The following ZEB2 variants were observed in gnomAD, a reference collection of about 807,000 sequenced individuals.
The protein encoded by ZEB2 is zinc finger E-box-binding homeobox 2.
Under a neutral mutation model 99.9 loss-of-function variants are expected in ZEB2, and 6 were observed. The ratio of observed to expected loss-of-function variants is 0.06; its 90% CI spans 0.03 to 0.12. The LOEUF (loss-of-function observed/expected upper bound fraction) is 0.12, where lower values mean the gene tolerates loss of function less well. Among genes scored for constraint, ZEB2 ranks in the 10% least tolerant of loss-of-function variants. ZEB2 has a pLI of 1.00. For synonymous variants in ZEB2, 517 were observed against 542.5 expected (o/e 0.95, Z 0.65); for missense variants, 969 against 1,502.8 (o/e 0.64, Z 5.87).
intron 1 of ZEB2, 35 bp from the exon 2 acceptor site, chr2:144,517,454 C>A: frequency 4.8e-6 from 7 of 1,456,816 alleles, no homozygotes; most frequent in Non-Finnish European, 6.7e-6. Flanking sequence ...GTGGGCATCG[C>A]CCGCGCCCAT....
intron 2 of ZEB2, among the ~76,000 whole-genome samples, chr2:144,474,277 G>T (rs1322264354): frequency 6.6e-6 from 1 of 152,110 alleles, no homozygotes; most frequent in Non-Finnish European, 1.5e-5. Context: ...GAGGTGGGTC[G>T]CCTGTGTTGT....
intron 2 of ZEB2, chr2:144,513,714 C>A: frequency 1.3e-6 from 2 of 1,536,050 alleles, no homozygotes; most frequent in Non-Finnish European, 1.7e-6. Flanking sequence ...AAGCAACAAA[C>A]TTTGCAAGTT....
chr2:144,439,879 A>G (rs1703883102), intron 2 of ZEB2, among the ~76,000 whole-genome samples: 1 of 152,196 alleles, frequency 6.6e-6, no homozygotes, highest in South Asian at 2.1e-4. Context: ...AATCACATAA[A>G]ATTGTTTTAT....
At chr2:144,512,163 C>T (rs1395169782) in intron 2 of ZEB2, 2 of 1,287,228 alleles carry the variant, frequency 1.6e-6, no homozygotes, top group East Asian at 1.1e-4. Flanking sequence ...AATCAATTGT[C>T]TGTGAGCATT....
intron 2 of ZEB2, chr2:144,512,515 C>A (rs1192622158): frequency 7.8e-7 from 1 of 1,287,186 alleles, no homozygotes. Context: ...AACACTGAAA[C>A]CTATGACATA....
Position 144,399,065 on chromosome 2 carries a change from G to A in ZEB2, c.2122C>T (p.Leu708=), listed in dbSNP as rs1703270675. The change falls in exon 8 of 10, where the codon CTG becomes TTG. Residue 708 remains leucine, a synonymous_variant. Transcript: ENST00000627532. The surrounding 1 kb of genome is among the most constrained non-coding windows in gnomAD (Gnocchi z 5.6). The part of the protein sequence containing the change: ...YQYSNSRSPS[L]ERSSKPLAPN... ...GCTAACGGCTTGGAGCTTCTTTCCAGGGATGGGGACCTGGAATTTGAGTAC... is the reference window on the plus strand; with the variant it reads ...GCTAACGGCTTGGAGCTTCTTTCCAAGGATGGGGACCTGGAATTTGAGTAC... 1 of 1,614,140 alleles carries A rather than the reference G, an allele frequency of 6.2e-7. No individual in the cohort carries two copies. Among genetic ancestry groups the A allele is most frequent in the Non-Finnish European group, 8.5e-7 (1 of 1,180,010 alleles).
At chr2:144,519,303 A>G (rs568208245) in intron 1 of ZEB2, 3 of 152,260 alleles carry the variant, frequency 2.0e-5, no homozygotes, top group South Asian at 4.1e-4. Context: ...CTTTATTTAT[A>G]ATCACAGAAG....
chr2:144,458,671 C>T (rs766003259), intron 2 of ZEB2, among the ~76,000 whole-genome samples: 2 of 152,140 alleles, frequency 1.3e-5, no homozygotes, highest in Non-Finnish European at 2.9e-5. Context: ...TGAAAGATCA[C>T]TGGGAAAAGT....
chr2:144,391,954 G>A (rs1217266615), intron 9 of ZEB2, among the ~76,000 whole-genome samples: 3 of 152,184 alleles, frequency 2.0e-5, no homozygotes. Context: ...TAAAGAATAA[G>A]GAAGACAACT....
chr2:144,445,455 A>C (rs1703970606), intron 2 of ZEB2, among the ~76,000 whole-genome samples: 1 of 149,488 alleles, frequency 6.7e-6, no homozygotes, highest in Admixed American at 6.7e-5. Flanking sequence ...TCTTCCTCTC[A>C]CTCTCCCTCT....
intron 2 of ZEB2, chr2:144,516,261 C>A (rs1191361231): frequency 6.6e-6 from 1 of 150,456 alleles, no homozygotes; most frequent in African/African-American, 2.5e-5. Context: ...AGCCCTCTCC[C>A]CTCCCCCAGG....
intron 2 of ZEB2, chr2:144,513,573 T>A (rs1360774187): frequency 1.3e-6 from 2 of 1,529,218 alleles, no homozygotes; most frequent in Non-Finnish European, 8.7e-7. Context: ...AACGTGCATG[T>A]CTCTGTGAGA....
chr2:144,483,840 T>G (rs1222111040), intron 2 of ZEB2, among the ~76,000 whole-genome samples: 1 of 152,196 alleles, frequency 6.6e-6, no homozygotes, highest in African/African-American at 2.4e-5. Flanking sequence ...TTGTTCTAAA[T>G]GGGGCTGATT....
At position 144,386,933 on chromosome 2, in the gene ZEB2, C is replaced by T. The variant is rs138683759; in HGVS notation, c.*2518G>A. 6.7e-6 allele frequency: 1 copy of T among 148,902 alleles called. No individual in the cohort carries two copies. The highest frequency in any genetic ancestry group is 2.2e-4 in the South Asian group (1 of 4,548). 9.2% of individuals were successfully genotyped at this position (148,902 alleles called of 1,614,324 possible). A position where few individuals can be genotyped will look rare whatever the true frequency, so the allele number is the denominator to read the frequency against. The stretch of plus-strand genomic sequence containing the variant: ...ATGCCACTCCTCCCCCTGCCCCCCC[C>T]ACCCCCTCTGCCAGAAAGTTTGAAG... On this transcript the variant is annotated 3_prime_UTR_variant, in exon 10 of 10. Coordinates refer to ENST00000627532, the MANE Select transcript of ZEB2 (RefSeq NM_014795.4).
intron 3 of ZEB2, 98 bp downstream of exon 3, chr2:144,429,670 AT>A: frequency 6.3e-7 from 1 of 1,587,564 alleles, no homozygotes; most frequent in Non-Finnish European, 8.6e-7. Context: ...GGAAAGAAAT[AT>A]TTTAATTATT....
chr2:144,399,067 G>C lies in ZEB2; in HGVS notation c.2120C>G (p.Ser707Cys). Residue 707 changes from serine (S) to cysteine (C), a missense_variant, in exon 8 of 10, where the codon TCC (serine) becomes TGC (cysteine). Ser to Cys is a moderately radical substitution (Grantham distance 112, BLOSUM62 -1). Transcript: ENST00000627532. This position sits in a 1 kb window ranked among gnomAD's most constrained non-coding sequence, Gnocchi z 5.6. ...TAACGGCTTGGAGCTTCTTTCCAGGGATGGGGACCTGGAATTTGAGTACTG... is the reference window on the plus strand; with the variant it reads ...TAACGGCTTGGAGCTTCTTTCCAGGCATGGGGACCTGGAATTTGAGTACTG... Reference protein sequence around the residue: ...VYQYSNSRSPSLERSSKPLAP... With the variant: ...VYQYSNSRSPCLERSSKPLAP... 1 of 1,614,146 alleles carries C rather than the reference G, an allele frequency of 6.2e-7. No homozygotes were observed. Among genetic ancestry groups the C allele is most frequent in the East Asian group, 2.2e-5 (1 of 44,880 alleles).
intron 2 of ZEB2, among the ~76,000 whole-genome samples, chr2:144,455,931 A>T (rs1704116665): frequency 6.6e-6 from 1 of 152,136 alleles, no homozygotes; most frequent in Non-Finnish European, 1.5e-5. Context: ...ACATAATCTT[A>T]AAAAAGGACA....
rs370754895 is a variant in ZEB2, at chr2:144,400,294, G to A, written c.917-24C>T. On this transcript the variant is annotated intron_variant, in intron 7 of 9. Transcript: ENST00000627532. Reference sequence around the variant, plus strand: ...ACCTAAAATGATAATTAAAATTACCGTTACATTTCCTTGATTAGATAACAA... The same window carrying A: ...ACCTAAAATGATAATTAAAATTACCATTACATTTCCTTGATTAGATAACAA... 1.1e-4 allele frequency: 170 copies of A among 1,599,988 alleles called. 1 individual carries two copies. In the African/African-American group the frequency reaches 1.3e-3, roughly 12 times the overall value.
At chr2:144,432,299 T>C (rs2149892356) in intron 2 of ZEB2, among the ~76,000 whole-genome samples, 1 of 152,296 alleles carries the variant, frequency 6.6e-6, no homozygotes, top group East Asian at 1.9e-4. Flanking sequence ...TAAATACTTT[T>C]AAACTAAATA....
Sources: gnomAD v4.1 joint callset for allele counts (sites outside exome capture counted in the v4.1 genomes callset) on GRCh38, gnomAD v4.1.1 for gene constraint, Gnocchi (gnomAD v3.1) non-coding constraint, MANE v1.5 for transcripts, NCBI Gene and HGNC (gene_info 2026-07-23, HGNC 2026-07-21) for gene names.